The following LCK variants were observed in gnomAD, a reference collection of about 807,000 sequenced individuals.
The protein encoded by LCK is LCK proto-oncogene, Src family tyrosine kinase.
A neutral mutation model predicts 64.6 loss-of-function variants in LCK; 14 were observed. The observed-to-expected ratio is 0.22, with a 90% CI of 0.14 to 0.34. The LOEUF (loss-of-function observed/expected upper bound fraction) is 0.34, where lower values mean the gene tolerates loss of function less well. Among genes scored for constraint, LCK ranks in the 10% least tolerant of loss-of-function variants. The probability of loss-of-function intolerance (pLI) is 1.00; values close to 1 mark genes in which losing one functional copy is unlikely to be tolerated. For synonymous variants in LCK, 277 were observed against 263.6 expected (o/e 1.05, Z -0.49); for missense variants, 434 against 668.1 (o/e 0.65, Z 3.86).
intron 12 of LCK, among the ~76,000 whole-genome samples, chr1:32,282,238 A>T (rs1640483858): frequency 6.6e-6 from 1 of 152,196 alleles, no homozygotes; most frequent in South Asian, 2.1e-4. Context: ...CGGTTCCCAC[A>T]GAGGCAAACC....
At position 32,280,222 on chromosome 1, in the gene LCK, G is replaced by A. The variant is rs769190867; in HGVS notation, c.1327+12G>A. On this transcript the variant is annotated intron_variant, in intron 12 of 12. Transcript: ENST00000336890. ...CATCCCTTACCCAGGTTAGAGCCAA[G>A]GGCAGGAACTGAAAGGGTGATGGGA... 1.9e-6 allele frequency: 3 copies of A among 1,613,908 alleles called. No homozygotes were observed. The highest frequency in any genetic ancestry group is 2.2e-5 in the South Asian group (2 of 91,062).
intron 12 of LCK, among the ~76,000 whole-genome samples, chr1:32,281,012 T>G (rs1640441896): frequency 6.6e-6 from 1 of 151,930 alleles, no homozygotes; most frequent in South Asian, 2.1e-4. Flanking sequence ...GAGACCAAGG[T>G]GGGAGGACTG....
chr1:32,270,437 C>T (rs1412362220), intron 1 of LCK, among the ~76,000 whole-genome samples: 1 of 151,258 alleles, frequency 6.6e-6, no homozygotes, highest in Admixed American at 6.6e-5. Flanking sequence ...CTCTGTCATC[C>T]AGGCTGGAGT....
chr1:32,269,802 C>T (rs1362779445), intron 1 of LCK, among the ~76,000 whole-genome samples: 4 of 152,028 alleles, frequency 2.6e-5, no homozygotes, highest in Non-Finnish European at 5.9e-5. Flanking sequence ...TACCCAGTCC[C>T]ATTCTTCCAC....
At chr1:32,270,765 G>A (rs1457540132) in intron 1 of LCK, among the ~76,000 whole-genome samples, 8 of 123,784 alleles carry the variant, frequency 6.5e-5, no homozygotes, top group African/African-American at 1.6e-4. Flanking sequence ...GTGCAATGGC[G>A]CAATTCCGGC....
chr1:32,272,601 G>C (rs1405808901), intron 1 of LCK, among the ~76,000 whole-genome samples: 1 of 147,612 alleles, frequency 6.8e-6, no homozygotes, highest in African/African-American at 2.7e-5. Context: ...GAGAGAGAGA[G>C]AGAAAGAGAG....
intron 9 of LCK, 132 bp from the exon 10 acceptor site, chr1:32,279,539 C>G: frequency 1.3e-6 from 2 of 1,556,760 alleles, no homozygotes; most frequent in Non-Finnish European, 1.8e-6. Flanking sequence ...TGAACACACA[C>G]TCCTCCATTC....
chr1:32,271,021 G>A (rs147428582), intron 1 of LCK, among the ~76,000 whole-genome samples: 1,424 of 122,708 alleles, frequency 0.012, 27 homozygotes, highest in African/African-American at 0.042. Context: ...TTTTTTTTGA[G>A]ACAGGCTCTC....
chr1:32,262,979 G>A (rs1239078140), intron 1 of LCK, among the ~76,000 whole-genome samples: 2 of 151,914 alleles, frequency 1.3e-5, no homozygotes, highest in Admixed American at 1.3e-4. Context: ...CCCAATTTAG[G>A]AATCCAAGGT....
Position 32,275,266 on chromosome 1 carries a change from G to A in LCK, c.279-55G>A. On this transcript the variant is annotated intron_variant, in intron 4 of 12. Coordinates refer to ENST00000336890, the MANE Select transcript of LCK (RefSeq NM_005356.5). This position sits in a 1 kb window ranked among gnomAD's most constrained non-coding sequence, Gnocchi z 6.9. ...TTAAGGGGTGGAGGGGTCTTTGAGG[G>A]AGGGTCTCAGGTCGACGGCTGAGCG... 2 of 1,576,658 alleles carry A rather than the reference G, an allele frequency of 1.3e-6. No homozygotes were observed. Among genetic ancestry groups the A allele is most frequent in the Non-Finnish European group, 1.7e-6 (2 of 1,146,408 alleles).
chr1:32,251,845 A>G lies in LCK; in HGVS notation c.-6+474A>G, dbSNP rs1327931087. 6.6e-6 allele frequency among the ~76,000 whole-genome samples: 1 copy of G among 151,228 alleles called. No homozygotes were observed. The highest frequency in any genetic ancestry group is 6.6e-5 in the Admixed American group (1 of 15,134). On this transcript the variant is annotated intron_variant, in intron 1 of 12. Coordinates refer to ENST00000336890, the MANE Select transcript of LCK (RefSeq NM_005356.5). This position sits in a 1 kb window ranked among gnomAD's most constrained non-coding sequence, Gnocchi z 4.0. ...ACAGGCTGGACTCAGAGGACCCAGG[A>G]ATCCTTCTGGTTTCTGGGGCAGACC... is the stretch of plus-strand genomic sequence containing the variant.
intron 1 of LCK, among the ~76,000 whole-genome samples, chr1:32,272,557 A>T (rs1268258407): frequency 9.6e-6 from 1 of 104,538 alleles, no homozygotes; most frequent in Non-Finnish European, 1.9e-5. Context: ...TGGGAGAGGA[A>T]GGGAGACCCT....
intron 9 of LCK, among the ~76,000 whole-genome samples, chr1:32,278,331 T>C (rs900136786): frequency 2.0e-5 from 3 of 152,104 alleles, no homozygotes; most frequent in African/African-American, 4.8e-5. Flanking sequence ...AAATGGCAAA[T>C]AGATTATGTC....
At chr1:32,261,953 A>G (rs1206009772) in intron 1 of LCK, among the ~76,000 whole-genome samples, 16 of 104,310 alleles carry the variant, frequency 1.5e-4, no homozygotes, top group Non-Finnish European at 2.4e-4. Context: ...ACTCTGTCAG[A>G]AAAAAAAAAA....
At chr1:32,259,852 T>C (rs879524311) in intron 1 of LCK, among the ~76,000 whole-genome samples, 4 of 151,516 alleles carry the variant, frequency 2.6e-5, no homozygotes, top group Non-Finnish European at 5.9e-5. Flanking sequence ...AGAAAGAAAT[T>C]ATTTGCCATG....
At chr1:32,277,658 T>C (rs1407430861) in intron 9 of LCK, among the ~76,000 whole-genome samples, 3 of 152,126 alleles carry the variant, frequency 2.0e-5, no homozygotes, top group African/African-American at 4.8e-5. Context: ...TTTCCCCAAG[T>C]ATAACAGCAG....
At position 32,285,840 on chromosome 1, in the gene LCK, A is replaced by G. The variant is rs903121937; in HGVS notation, c.*124A>G. ...GACTCTGCACATGAATCCCACCCAC[A>G]TGTGACACATATGCACCTTGTGTCT... is the stretch of plus-strand genomic sequence containing the variant. On this transcript the variant is annotated 3_prime_UTR_variant, in exon 13 of 13. Coordinates refer to ENST00000336890, the MANE Select transcript of LCK (RefSeq NM_005356.5). The G allele has an allele frequency of 8.3e-6, 8 of 965,676 alleles. No individual in the cohort carries two copies. In the East Asian group the frequency reaches 1.0e-4, roughly 13 times the overall value. The allele number at this position is 965,676 out of a possible 1,614,324, so 59.8% of individuals were successfully genotyped here. A position where few individuals can be genotyped will look rare whatever the true frequency, so the allele number is the denominator to read the frequency against.
Position 32,251,927 on chromosome 1 carries a change from AGAG to A in LCK, c.-6+557_-6+559del. ...GAGAGAGAGAGAGAGAGAGAGAGAG[AGAG>A]AGAGAGACAGAGATCACCCAAGGCA... On this transcript the variant is annotated intron_variant, in intron 1 of 12. Coordinates refer to ENST00000336890, the MANE Select transcript of LCK (RefSeq NM_005356.5). This position sits in a 1 kb window ranked among gnomAD's most constrained non-coding sequence, Gnocchi z 4.0. 6.6e-6 allele frequency among the ~76,000 whole-genome samples: 1 copy of A among 151,818 alleles called. No homozygotes were observed. The highest frequency in any genetic ancestry group is 2.1e-4 in the South Asian group (1 of 4,818).
chr1:32,274,401 T>C lies in LCK; in HGVS notation c.72T>C (p.His24=), dbSNP rs1557582944. ...ACATCGATGTGTGTGAGAACTGCCA[T>C]TATCCCATAGTCCCACTGGATGGCA... The part of the protein sequence containing the change: ...MENIDVCENC[H]YPIVPLDGKG... The change falls in exon 2 of 13, where the codon CAT becomes CAC. Residue 24 remains histidine (H), a synonymous_variant. Transcript: ENST00000336890. The C allele has an allele frequency of 6.2e-7, 1 of 1,613,900 alleles. No homozygotes were observed. Among genetic ancestry groups the C allele is most frequent in the Non-Finnish European group, 8.5e-7 (1 of 1,179,936 alleles).
Sources: gnomAD v4.1 joint callset for allele counts (sites outside exome capture counted in the v4.1 genomes callset) on GRCh38, gnomAD v4.1.1 for gene constraint, Gnocchi (gnomAD v3.1) non-coding constraint, MANE v1.5 for transcripts, NCBI Gene and HGNC (gene_info 2026-07-23, HGNC 2026-07-21) for gene names.